NANOS3: variants seen among roughly 807,000 people sequenced by gnomAD.
NANOS3 encodes nanos C2HC-type zinc finger 3.
NANOS3 carries 11 observed loss-of-function variants against 13.8 expected under a neutral mutation model. The ratio of observed to expected loss-of-function variants is 0.80; its 90% CI spans 0.50 to 1.32. The LOEUF (loss-of-function observed/expected upper bound fraction) is 1.32, where lower values mean the gene tolerates loss of function less well. Among genes scored for constraint, NANOS3 ranks in the 40% most tolerant of loss-of-function variants. NANOS3 has a pLI of 0.00. For synonymous variants in NANOS3, 119 were observed against 115.4 expected, an observed-to-expected ratio of 1.03 and a Z score of -0.20; for missense variants, 221 against 263.8, an observed-to-expected ratio of 0.84 and a Z score of 1.12.
chr19:13,872,360 A>G (rs10403315), upstream of NANOS3, among the ~76,000 whole-genome samples: 23,711 of 140,420 alleles, frequency 0.17, 2,045 homozygotes, highest in East Asian at 0.27. Flanking sequence ...AAAAAAAAAA[A>G]AGAGAGAGAG....
upstream of NANOS3, among the ~76,000 whole-genome samples, chr19:13,876,424 T>C (rs1325934554): frequency 6.6e-6 from 1 of 152,146 alleles, no homozygotes; most frequent in Non-Finnish European, 1.5e-5. Flanking sequence ...CCTCCCAAAC[T>C]GTTGGGATGA....
chr19:13,865,819 T>A (rs1976228746), intron 1 of NANOS3, among the ~76,000 whole-genome samples: 2 of 129,432 alleles, frequency 1.5e-5, no homozygotes, highest in African/African-American at 5.9e-5. Flanking sequence ...GCCCGACACC[T>A]GACCGCGCGC....
At chr19:13,865,056 G>C (rs1034755623), upstream of NANOS3, among the ~76,000 whole-genome samples, 2 of 151,914 alleles carry the variant, frequency 1.3e-5, no homozygotes, top group African/African-American at 2.4e-5. Flanking sequence ...CCCCGCGCGG[G>C]CCCCGGGAGC....
intron 1 of NANOS3, among the ~76,000 whole-genome samples, chr19:13,866,884 C>T (rs1568361726): frequency 2.0e-5 from 3 of 152,176 alleles, no homozygotes; most frequent in Non-Finnish European, 2.9e-5. Context: ...CACACACACA[C>T]ACATACACAC....
chr19:13,868,118 A>G (rs1317708776), intron 1 of NANOS3, among the ~76,000 whole-genome samples: 1 of 151,400 alleles, frequency 6.6e-6, no homozygotes, highest in Non-Finnish European at 1.5e-5. Flanking sequence ...GAGTGCAGTG[A>G]CACAATCTCA....
upstream of NANOS3, chr19:13,874,762 A>G (rs747261261): frequency 7.5e-6 from 4 of 534,306 alleles, no homozygotes; most frequent in Non-Finnish European, 1.5e-5. Flanking sequence ...CAGCTCAGGC[A>G]AACCATCGAC....
upstream of NANOS3, among the ~76,000 whole-genome samples, chr19:13,874,195 G>T (rs1391523771): frequency 6.6e-6 from 1 of 152,038 alleles, no homozygotes; most frequent in African/African-American, 2.4e-5. Context: ...ACCCCCAAGC[G>T]CTCCACTCAC....
chr19:13,877,384 C>T lies in NANOS3; in HGVS notation c.136C>T (p.Leu46=), dbSNP rs770155164. The T allele has an allele frequency of 6.2e-7, 1 of 1,612,548 alleles. No individual in the cohort carries two copies. The highest frequency in any genetic ancestry group is 8.5e-7 in the Non-Finnish European group (1 of 1,180,012). The change falls in exon 1 of 2, where the codon CTG becomes TTG. Residue 46 remains leucine (L), a synonymous_variant. Transcript: ENST00000339133. ...PEPMLEPVSA[L]EPMPAPESVP... is the part of the protein sequence containing the mutation. Reference sequence around the variant, plus strand: ...GCCAATGCTGGAGCCGGTGTCAGCCCTGGAGCCGATGCCAGCGCCGGAGTC... The same window carrying T: ...GCCAATGCTGGAGCCGGTGTCAGCCTTGGAGCCGATGCCAGCGCCGGAGTC...
Position 13,877,635 on chromosome 19 carries a change from A to G in NANOS3, c.387A>G (p.Pro129=). 1 of 1,612,294 alleles carries G rather than the reference A, an allele frequency of 6.2e-7. No homozygotes were observed. The highest frequency in any genetic ancestry group is 1.3e-5 in the African/African-American group (1 of 75,036). Reference sequence around the variant, plus strand: ...GCGCCCACACCCGACGCTTCTGCCCACTTACTGGCCAGGGCTACACCTCCG... The same window carrying G: ...GCGCCCACACCCGACGCTTCTGCCCGCTTACTGGCCAGGGCTACACCTCCG... ...RERAHTRRFC[P]LTGQGYTSVY... The change falls in exon 1 of 2, where the codon CCA becomes CCG. Residue 129 remains proline, a synonymous_variant. Transcript: ENST00000339133.
upstream of NANOS3, among the ~76,000 whole-genome samples, chr19:13,862,455 C>G (rs1410280893): frequency 6.6e-6 from 1 of 152,116 alleles, no homozygotes; most frequent in Non-Finnish European, 1.5e-5. Flanking sequence ...GGAAATTCAG[C>G]GAGCAGGACA....
intron 1 of NANOS3, among the ~76,000 whole-genome samples, chr19:13,879,425 G>A (rs1254461866): frequency 6.6e-6 from 1 of 152,192 alleles, no homozygotes; most frequent in Non-Finnish European, 1.5e-5. Flanking sequence ...AGGCAGCTTT[G>A]CAGTGAACAT....
chr19:13,869,958 G>C (rs1268185340), intron 1 of NANOS3, among the ~76,000 whole-genome samples: 3 of 152,060 alleles, frequency 2.0e-5, no homozygotes, highest in Non-Finnish European at 4.4e-5. Context: ...TCACAGTCAA[G>C]ACTTCAAGAA....
At chr19:13,878,546 A>ATT (rs1968565773) in intron 1 of NANOS3, among the ~76,000 whole-genome samples, 1 of 151,722 alleles carries the variant, frequency 6.6e-6, no homozygotes, top group African/African-American at 2.4e-5. Context: ...CCGCAGGGTT[A>ATT]TTATAGATGC....
At chr19:13,880,147 G>A (rs898788498) in intron 1 of NANOS3, among the ~76,000 whole-genome samples, 1 of 152,202 alleles carries the variant, frequency 6.6e-6, no homozygotes, top group African/African-American at 2.4e-5. Context: ...GGTGTCCTGC[G>A]GCCAGCCTTT....
At chr19:13,870,459 C>T (rs1200495800) in intron 1 of NANOS3, among the ~76,000 whole-genome samples, 1 of 151,738 alleles carries the variant, frequency 6.6e-6, no homozygotes, top group African/African-American at 2.4e-5. Flanking sequence ...TCTGCTAGGA[C>T]TTCTCACCTC....
Position 13,880,672 on chromosome 19 carries a change from ACCCCACCCTTTGTGC to A in NANOS3, c.*171_*185del, listed in dbSNP as rs1266874386. 2 of 613,708 alleles carry A rather than the reference ACCCCACCCTTTGTGC, an allele frequency of 3.3e-6. No individual in the cohort carries two copies. The highest frequency in any genetic ancestry group is 5.8e-6 in the Non-Finnish European group (2 of 346,462). 38.0% of individuals were successfully genotyped at this position (613,708 alleles called of 1,614,324 possible). A position where few individuals can be genotyped will look rare whatever the true frequency, so the allele number is the denominator to read the frequency against. ...AGCTGAAATCGCCCTGTCCTTGGGG[ACCCCACCCTTTGTGC>A]CATCTGCCGTTTCCCTAGTGCTGGG... On this transcript the variant is annotated 3_prime_UTR_variant, in exon 2 of 2. Transcript: ENST00000339133.
At chr19:13,865,106 C>T (rs1447329725), upstream of NANOS3, among the ~76,000 whole-genome samples, 1 of 151,920 alleles carries the variant, frequency 6.6e-6, no homozygotes, top group Non-Finnish European at 1.5e-5. Flanking sequence ...GAGTGCGTCC[C>T]GGTGCGCCTG....
intron 1 of NANOS3, among the ~76,000 whole-genome samples, chr19:13,869,969 T>C (rs1328203788): frequency 1.3e-5 from 2 of 151,612 alleles, no homozygotes; most frequent in African/African-American, 4.9e-5. Context: ...ACTTCAAGAA[T>C]CACGGGCAGG....
At chr19:13,866,348 TC>T (rs1294840445) in intron 1 of NANOS3, among the ~76,000 whole-genome samples, 1 of 144,722 alleles carries the variant, frequency 6.9e-6, no homozygotes, top group East Asian at 2.1e-4. Flanking sequence ...TCGGTTCCCC[TC>T]CCCCCATCTC....
Sources: allele counts gnomAD v4.1 joint callset (sites outside exome capture counted in the v4.1 genomes callset), GRCh38; gene constraint gnomAD v4.1.1; transcripts MANE v1.5; gene names NCBI Gene and HGNC (gene_info 2026-07-23, HGNC 2026-07-21).